Variants in NRXN1 observed in about 807,000 individuals in gnomAD.
The protein encoded by NRXN1 is neurexin 1.
Under a neutral mutation model 150.9 loss-of-function variants are expected in NRXN1, and 39 were observed. The ratio of observed to expected loss-of-function variants is 0.26; its 90% CI spans 0.20 to 0.34. The LOEUF (loss-of-function observed/expected upper bound fraction) is 0.34, where lower values mean the gene tolerates loss of function less well. Among genes scored for constraint, NRXN1 ranks in the 10% least tolerant of loss-of-function variants. NRXN1 has a pLI of 1.00. For synonymous variants in NRXN1, 924 were observed against 757.0 expected (o/e 1.22, Z -3.62); for missense variants, 1,815 against 1,949.9 (o/e 0.93, Z 1.30).
At chr2:50,164,303 G>A (rs114663856) in intron 18 of NRXN1, among the ~76,000 whole-genome samples, 1,677 of 152,224 alleles carry the variant, frequency 0.011, 34 homozygotes, top group African/African-American at 0.038. Context: ...AAATGATTTA[G>A]TTTGACACAA....
At chr2:50,125,251 T>C (rs1435026364) in intron 18 of NRXN1, among the ~76,000 whole-genome samples, 1 of 152,176 alleles carries the variant, frequency 6.6e-6, no homozygotes, top group South Asian at 2.1e-4. Context: ...TACTTCTCAG[T>C]AGTCCTAAAT....
chr2:50,955,696 T>C (rs1359257935), intron 2 of NRXN1, among the ~76,000 whole-genome samples: 2 of 152,214 alleles, frequency 1.3e-5, no homozygotes, highest in Admixed American at 1.3e-4. Context: ...AGCAATTCTC[T>C]TGGATGGATA....
chr2:50,397,459 C>T (rs2082122077), intron 17 of NRXN1, among the ~76,000 whole-genome samples: 1 of 152,096 alleles, frequency 6.6e-6, no homozygotes, highest in Non-Finnish European at 1.5e-5. Flanking sequence ...TCCTTCAATG[C>T]TAACAGCAAC....
chr2:50,849,034 C>CT (rs1214143557), intron 5 of NRXN1, among the ~76,000 whole-genome samples: 2 of 152,296 alleles, frequency 1.3e-5, no homozygotes, highest in East Asian at 3.9e-4. Context: ...GTCTGTCTGT[C>CT]TTTTTTTGTG....
chr2:50,373,521 T>C (rs1349608205), intron 17 of NRXN1, among the ~76,000 whole-genome samples: 2 of 150,438 alleles, frequency 1.3e-5, no homozygotes, highest in African/African-American at 4.9e-5. Flanking sequence ...AAGAAATCTC[T>C]CTTAAATTTC....
intron 2 of NRXN1, among the ~76,000 whole-genome samples, chr2:50,961,616 T>C (rs1445349555): frequency 2.6e-5 from 4 of 151,880 alleles, no homozygotes; most frequent in Non-Finnish European, 4.4e-5. Context: ...GGCTATAATA[T>C]GATTCATTTG....
intron 8 of NRXN1, among the ~76,000 whole-genome samples, chr2:50,588,095 T>C (rs963014699): frequency 6.6e-6 from 1 of 152,228 alleles, no homozygotes; most frequent in Non-Finnish European, 1.5e-5. Flanking sequence ...GATTGTTTCC[T>C]ACATCATACA....
chr2:50,573,769 CAAT>C (rs1671006156), intron 8 of NRXN1, among the ~76,000 whole-genome samples: 1 of 144,112 alleles, frequency 6.9e-6, no homozygotes, highest in Non-Finnish European at 1.5e-5. Flanking sequence ...ATAATAAATA[CAAT>C]AATAAAATGA....
intron 18 of NRXN1, among the ~76,000 whole-genome samples, chr2:50,146,039 A>T (rs1707963771): frequency 6.6e-6 from 1 of 151,670 alleles, no homozygotes; most frequent in Admixed American, 6.6e-5. Context: ...TATGAGTGTC[A>T]TGGAGACACT....
chr2:50,979,223 A>G (rs963015991), intron 2 of NRXN1: 2 of 514,748 alleles, frequency 3.9e-6, no homozygotes, highest in Non-Finnish European at 7.7e-6. Flanking sequence ...CTGTGATATG[A>G]GAAAAGACTA....
At chr2:50,692,643 C>T (rs1403259447) in intron 5 of NRXN1, among the ~76,000 whole-genome samples, 4 of 152,080 alleles carry the variant, frequency 2.6e-5, no homozygotes, top group East Asian at 1.9e-4. Flanking sequence ...TTTGTAATCT[C>T]GTTAGATTTG....
chr2:50,397,282 G>C (rs1488116266), intron 17 of NRXN1, among the ~76,000 whole-genome samples: 3 of 152,090 alleles, frequency 2.0e-5, no homozygotes. Context: ...GCTCTACCCA[G>C]TCTGTCTTGT....
intron 13 of NRXN1, among the ~76,000 whole-genome samples, chr2:50,505,434 G>T (rs1020014285): frequency 6.6e-6 from 1 of 152,158 alleles, no homozygotes; most frequent in Non-Finnish European, 1.5e-5. Flanking sequence ...TGATCTTGCC[G>T]TTGGCAGCTG....
chr2:50,995,122 G>A (rs1699068634), intron 2 of NRXN1, among the ~76,000 whole-genome samples: 1 of 151,900 alleles, frequency 6.6e-6, no homozygotes, highest in East Asian at 2.0e-4. Context: ...ATTTCAGAGA[G>A]AACTGCATTG....
rs1315991153 is a variant in NRXN1, at chr2:50,265,999, TTTA to T, written c.3365-29032_3365-29030del. On this transcript the variant is annotated intron_variant, in intron 17 of 22. Transcript: ENST00000401669. ...ATTATTATTATTATTATTATTATTA[TTTA>T]TTTTTTTTTTTTTTGAGATAGAGTC... 4.6e-3 allele frequency among the ~76,000 whole-genome samples: 214 copies of T among 46,798 alleles called. 1 individual carries two copies. Among genetic ancestry groups the T allele is most frequent in the African/African-American group, 0.016 (163 of 10,500 alleles). The allele number at this position is 46,798 out of a possible 152,430, so 30.7% of individuals were successfully genotyped here. A position where few individuals can be genotyped will look rare whatever the true frequency, so the allele number is the denominator to read the frequency against.
intron 22 of NRXN1, among the ~76,000 whole-genome samples, chr2:49,942,260 C>A (rs1672110292): frequency 6.6e-6 from 1 of 152,066 alleles, no homozygotes; most frequent in East Asian, 1.9e-4. Flanking sequence ...GCATACCCAG[C>A]CTGGTCTCCC....
intron 5 of NRXN1, among the ~76,000 whole-genome samples, chr2:50,786,651 G>C (rs1156980231): frequency 6.6e-6 from 1 of 152,108 alleles, no homozygotes; most frequent in Non-Finnish European, 1.5e-5. Flanking sequence ...TTTGATCCGA[G>C]ACACATCTGT....
chr2:50,680,674 G>A (rs1420753988), intron 5 of NRXN1, among the ~76,000 whole-genome samples: 2 of 151,570 alleles, frequency 1.3e-5, no homozygotes, highest in African/African-American at 4.8e-5. Flanking sequence ...TTTAATATAG[G>A]ATAGAAATGA....
rs1262086598 is a variant in NRXN1 at position 50,019,906 on chromosome 2, C to A, written c.4128+33365G>T. On this transcript the variant is annotated intron_variant, in intron 21 of 22. Coordinates refer to ENST00000401669, the MANE Select transcript of NRXN1 (RefSeq NM_001330078.2). The stretch of plus-strand genomic sequence containing the variant: ...GAGCTTGCAGTGAGCCGAGATCGCG[C>A]CACTGCACTCCGGCCTGGGTGACAA... 2.2e-4 allele frequency among the ~76,000 whole-genome samples: 30 copies of A among 138,552 alleles called. 1 individual carries two copies. The highest frequency in any genetic ancestry group is 7.8e-4 in the African/African-American group (29 of 37,158). 90.9% of individuals were successfully genotyped at this position (138,552 alleles called of 152,430 possible). A position where few individuals can be genotyped will look rare whatever the true frequency, so the allele number is the denominator to read the frequency against.
Sources: allele counts gnomAD v4.1 joint callset (sites outside exome capture counted in the v4.1 genomes callset), GRCh38; gene constraint gnomAD v4.1.1; transcripts MANE v1.5; gene names NCBI Gene and HGNC (gene_info 2026-07-23, HGNC 2026-07-21).